WDR37: variants seen among roughly 807,000 people sequenced by gnomAD.
WDR37 encodes the protein WD repeat domain 37.
Under a neutral mutation model 62.9 loss-of-function variants are expected in WDR37, and 19 were observed. That is an observed-to-expected ratio of 0.30 (90% confidence interval 0.21 to 0.44). WDR37 has a LOEUF of 0.44. Among genes scored for constraint, WDR37 ranks in the 20% least tolerant of loss-of-function variants. The pLI is 1.00. For missense variants in WDR37, 474 were observed against 657.6 expected (o/e 0.72, Z 3.05); for synonymous variants, 250 against 260.9 (o/e 0.96, Z 0.40).
At chr10:1,072,703 G>T (rs1833765064) in intron 2 of WDR37, among the ~76,000 whole-genome samples, 2 of 151,808 alleles carry the variant, frequency 1.3e-5, no homozygotes, top group African/African-American at 4.8e-5. Flanking sequence ...AAAAAAAAGG[G>T]TTGGGTTACT....
chr10:1,116,666 C>T (rs937227532), intron 11 of WDR37, among the ~76,000 whole-genome samples: 1 of 152,226 alleles, frequency 6.6e-6, no homozygotes, highest in African/African-American at 2.4e-5. Context: ...CCCGTGACAG[C>T]TTTTCGGAGC....
At position 1,107,877 on chromosome 10, in the gene WDR37, G is replaced by A. The variant is rs555496568; in HGVS notation, c.1103+2610G>A. Among the ~76,000 whole-genome samples the A allele has an allele frequency of 2.6e-5, 4 of 151,146 alleles. No individual in the cohort carries two copies. In the South Asian group the frequency reaches 8.4e-4, roughly 32 times the overall value. ...GCCCACTTCCCCTTCACCTAGGTTT[G>A]CCTGTTGTTGTATTGCAGCACTGCT... On this transcript the variant is annotated intron_variant, in intron 11 of 13. Transcript: ENST00000263150.
chr10:1,080,065 T>C lies in WDR37; in HGVS notation c.290T>C (p.Ile97Thr), dbSNP rs753865752. Reference sequence around the variant, plus strand: ...CGTTTAGCTGCTGAAGGACAAGCGATTGATGGAGCAGAGCTGAGTAAGGGC... The same window carrying C: ...CGTTTAGCTGCTGAAGGACAAGCGACTGATGGAGCAGAGCTGAGTAAGGGC... ...NERLAAEGQAIDGAELSKGQL... is the reference protein window; with the variant it reads ...NERLAAEGQATDGAELSKGQL... The change falls in exon 4 of 14, where the codon ATT becomes ACT. Residue 97 changes from isoleucine (I) to threonine (T), a missense_variant. Coordinates refer to ENST00000263150, the MANE Select transcript of WDR37 (RefSeq NM_014023.4). 14 of 1,613,994 alleles carry C rather than the reference T, an allele frequency of 8.7e-6. No individual in the cohort carries two copies. In the Admixed American group the frequency reaches 1.2e-4, roughly 13 times the overall value.
chr10:1,080,135 C>G, intron 4 of WDR37, 29 bp downstream of exon 4: 8 of 1,611,182 alleles, frequency 5.0e-6, no homozygotes, highest in African/African-American at 1.3e-5. Flanking sequence ...AAGTCTTGTC[C>G]TGCAGATTAT....
intron 3 of WDR37, among the ~76,000 whole-genome samples, chr10:1,079,627 C>T (rs1273551797): frequency 2.0e-5 from 3 of 151,698 alleles, no homozygotes; most frequent in African/African-American, 4.8e-5. Flanking sequence ...CTCTGCCTCC[C>T]GGGTTCAAGC....
intron 13 of WDR37, among the ~76,000 whole-genome samples, chr10:1,126,285 A>G (rs71491340): frequency 0.1 from 15,585 of 151,418 alleles, 1,122 homozygotes; most frequent in African/African-American, 0.2. Context: ...GGGCGTCTGT[A>G]GTCCCAGCTA....
intron 7 of WDR37, among the ~76,000 whole-genome samples, chr10:1,092,560 C>T (rs1304387322): frequency 7.9e-5 from 12 of 151,592 alleles, no homozygotes; most frequent in African/African-American, 2.7e-4. Context: ...TTAGTAGAGA[C>T]GGGGTTTCAC....
intron 3 of WDR37, 116 bp from the exon 4 acceptor site, chr10:1,079,895 C>T: frequency 2.7e-6 from 2 of 744,216 alleles, no homozygotes; most frequent in Non-Finnish European, 4.4e-6. Flanking sequence ...TTATTCATGT[C>T]TTTGTTTATA....
At chr10:1,068,014 A>T (rs1319448907) in intron 1 of WDR37, among the ~76,000 whole-genome samples, 1 of 152,228 alleles carries the variant, frequency 6.6e-6, no homozygotes, top group Non-Finnish European at 1.5e-5. Flanking sequence ...GAGCTAAAAA[A>T]TGTGAACACA....
At chr10:1,124,884 A>C in intron 12 of WDR37, 26 bp from the exon 13 acceptor site, 1 of 1,612,894 alleles carries the variant, frequency 6.2e-7, no homozygotes, top group Non-Finnish European at 8.5e-7. Context: ...TTTCATGCAC[A>C]ACCCACTTTT....
At chr10:1,125,116 A>G (rs1835698649) in intron 13 of WDR37, 92 bp downstream of exon 13, 3 of 1,504,432 alleles carry the variant, frequency 2.0e-6, no homozygotes, top group South Asian at 1.3e-5. Context: ...AAGTCTTTGC[A>G]TGCTAAGTTT....
chr10:1,066,438 A>G (rs1240041618), intron 1 of WDR37, among the ~76,000 whole-genome samples: 1 of 152,188 alleles, frequency 6.6e-6, no homozygotes, highest in African/African-American at 2.4e-5. Flanking sequence ...TAATGCAGAA[A>G]AAACCTTGAC....
At chr10:1,058,054 A>G (rs980687968) in intron 1 of WDR37, among the ~76,000 whole-genome samples, 4 of 67,000 alleles carry the variant, frequency 6.0e-5, no homozygotes, top group Non-Finnish European at 1.2e-4. Flanking sequence ...AGCTTTTGAT[A>G]TGTCCCAGGA....
intron 2 of WDR37, among the ~76,000 whole-genome samples, chr10:1,075,302 T>G (rs2131619055): frequency 6.6e-6 from 1 of 151,528 alleles, no homozygotes; most frequent in South Asian, 2.1e-4. Flanking sequence ...AAATTTATAC[T>G]TTAAGTTCTG....
chr10:1,086,105 C>T (rs547692300), intron 6 of WDR37, among the ~76,000 whole-genome samples, 181 bp from the exon 7 acceptor site: 2 of 152,334 alleles, frequency 1.3e-5, no homozygotes, highest in Non-Finnish European at 2.9e-5. Flanking sequence ...GTCACAGCTT[C>T]TCCCATTTGG....
chr10:1,129,228 G>A lies in WDR37; in HGVS notation c.1369G>A (p.Val457Ile). 6.2e-7 allele frequency: 1 copy of A among 1,614,154 alleles called. No homozygotes were observed. Among genetic ancestry groups the A allele is most frequent in the Non-Finnish European group, 8.5e-7 (1 of 1,180,006 alleles). Residue 457 changes from valine (V) to isoleucine (I), a missense_variant, in exon 14 of 14, where the codon GTA (valine) becomes ATA (isoleucine). Val to Ile is a conservative substitution (Grantham distance 29). Coordinates refer to ENST00000263150, the MANE Select transcript of WDR37 (RefSeq NM_014023.4). ...TCATCACTAGGGCCACAGGAGAATG[G>A]TATGCTGCTCGGCATGGAGTGAAGA... ...RSSRQGHRRM[V>I]CCSAWSEDHP...
chr10:1,131,648 C>G lies in WDR37; in HGVS notation c.*2304C>G, dbSNP rs544545478. 1 of 151,794 alleles carries G rather than the reference C, an allele frequency of 6.6e-6. No individual in the cohort carries two copies. Among genetic ancestry groups the G allele is most frequent in the Non-Finnish European group, 1.5e-5 (1 of 68,062 alleles). 9.4% of individuals were successfully genotyped at this position (151,794 alleles called of 1,614,324 possible). On this transcript the variant is annotated 3_prime_UTR_variant, in exon 14 of 14. Coordinates refer to ENST00000263150, the MANE Select transcript of WDR37 (RefSeq NM_014023.4). ...GTGAGCTCATCCACTGCTGCTGCAG[C>G]GTGGTGATCAGGAGTCACAGACAAG... is the stretch of plus-strand genomic sequence containing the variant.
At chr10:1,066,780 AAG>A (rs891276355) in intron 1 of WDR37, among the ~76,000 whole-genome samples, 14 of 152,350 alleles carry the variant, frequency 9.2e-5, no homozygotes, top group African/African-American at 2.9e-4. Flanking sequence ...TTACAAAGGA[AAG>A]AGGTTTATTG....
intron 3 of WDR37, among the ~76,000 whole-genome samples, chr10:1,079,598 GAT>G (rs1053943161): frequency 6.6e-6 from 1 of 151,324 alleles, no homozygotes. Context: ...GCTGTGGCGT[GAT>G]CTCGGCTCAC....
Sources: gnomAD v4.1 joint callset for allele counts (sites outside exome capture counted in the v4.1 genomes callset) on GRCh38, gnomAD v4.1.1 for gene constraint, MANE v1.5 for transcripts, NCBI Gene and HGNC (gene_info 2026-07-23, HGNC 2026-07-21) for gene names.